NR1H3: variants seen among roughly 807,000 people sequenced by gnomAD.
NR1H3 encodes nuclear receptor subfamily 1 group H member 3.
NR1H3 carries 19 observed loss-of-function variants against 48.1 expected under a neutral mutation model. The ratio of observed to expected loss-of-function variants is 0.40; its 90% confidence interval spans 0.28 to 0.58. The LOEUF (loss-of-function observed/expected upper bound fraction) is 0.58. Ranked by LOEUF, NR1H3 falls within the 20% of genes least tolerant of loss-of-function variation. The probability of loss-of-function intolerance (pLI) is 0.50; values close to 1 mark genes in which losing one functional copy is unlikely to be tolerated. For synonymous variants in NR1H3, 232 were observed against 227.3 expected (o/e 1.02, Z -0.19); for missense variants, 486 against 595.9 (o/e 0.82, Z 1.92).
chr11:47,262,233 G>GTCAT (rs1441385368), intron 7 of NR1H3, among the ~76,000 whole-genome samples: 3 of 151,804 alleles, frequency 2.0e-5, no homozygotes, highest in Non-Finnish European at 2.9e-5. Flanking sequence ...CAAAAAATTA[G>GTCAT]TCAGGCATGG....
In NR1H3 at chr11:47,268,940, C is replaced by T. The variant is rs146385998; in HGVS notation, c.*244C>T. The T allele has an allele frequency of 1.6e-5, 8 of 512,914 alleles. No individual in the cohort carries two copies. Among genetic ancestry groups the T allele is most frequent in the Non-Finnish European group, 2.8e-5 (8 of 288,218 alleles). 31.8% of individuals were successfully genotyped at this position (512,914 alleles called of 1,614,324 possible). ...CCCCACAAACGGATGGGCCTGGGGG[C>T]CACTTTGCACAGGGTTCTCCAGAGC... is the stretch of plus-strand genomic sequence containing the variant. On this transcript the variant is annotated 3_prime_UTR_variant, in exon 10 of 10. Coordinates refer to ENST00000441012, the MANE Select transcript of NR1H3 (RefSeq NM_005693.4).
intron 1 of NR1H3, chr11:47,250,428 A>T (rs1314212670): frequency 6.6e-6 from 1 of 152,262 alleles, no homozygotes; most frequent in South Asian, 2.1e-4. Context: ...AGAAAAGAAA[A>T]AAAAAGATCA....
intron 7 of NR1H3, among the ~76,000 whole-genome samples, chr11:47,265,491 A>T (rs762418333): frequency 1.3e-5 from 2 of 152,236 alleles, no homozygotes; most frequent in African/African-American, 2.4e-5. Context: ...GACAATGTGT[A>T]TGAGAGACAT....
Position 47,261,337 on chromosome 11 carries a change from C to T in NR1H3, c.596C>T (p.Pro199Leu). Residue 199 changes from proline to leucine, a missense_variant, in exon 5 of 10, where the codon CCC becomes CTC. Transcript: ENST00000441012. Reference protein sequence around the residue: ...ATSLPPRASSPPQILPQLSPE... With the variant: ...ATSLPPRASSLPQILPQLSPE... Reference sequence around the variant, plus strand: ...TCCTTGCCCCCCAGGGCTTCCTCACCCCCCCAAATCCTGCCCCAGCTCAGC... The same window carrying T: ...TCCTTGCCCCCCAGGGCTTCCTCACTCCCCCAAATCCTGCCCCAGCTCAGC... 6.2e-7 allele frequency: 1 copy of T among 1,614,012 alleles called. No homozygotes were observed. Among genetic ancestry groups the T allele is most frequent in the Non-Finnish European group, 8.5e-7 (1 of 1,179,978 alleles).
At chr11:47,255,595 T>TTCTTTCTCTCTC (rs1565178673), upstream of NR1H3, among the ~76,000 whole-genome samples, 6 of 61,372 alleles carry the variant, frequency 9.8e-5, no homozygotes, top group African/African-American at 4.6e-4. Context: ...CTTTCTTTCT[T>TTCTTTCTCTCTC]TCTCTCTCTC....
chr11:47,256,304 G>A (rs931134932), upstream of NR1H3, among the ~76,000 whole-genome samples: 1 of 151,890 alleles, frequency 6.6e-6, no homozygotes, highest in African/African-American at 2.4e-5. Context: ...GCCTCCCAAA[G>A]TGCTGGGATT....
At chr11:47,249,646 T>G (rs1398790215) in intron 1 of NR1H3, among the ~76,000 whole-genome samples, 1 of 152,176 alleles carries the variant, frequency 6.6e-6, no homozygotes, top group African/African-American at 2.4e-5. Flanking sequence ...ATGGCCCTCT[T>G]GGCATTGACC....
At chr11:47,256,229 C>T (rs1287472841), upstream of NR1H3, among the ~76,000 whole-genome samples, 9 of 140,386 alleles carry the variant, frequency 6.4e-5, no homozygotes, top group African/African-American at 2.4e-4. Context: ...TTAGTAGAGA[C>T]GGGGTTTCAC....
At chr11:47,257,945 C>A, upstream of NR1H3, 1 of 985,490 alleles carries the variant, frequency 1.0e-6, no homozygotes. Flanking sequence ...GACCCCTCGG[C>A]AGTCCCTCCC....
At chr11:47,265,838 C>T (rs1956408528) in intron 7 of NR1H3, among the ~76,000 whole-genome samples, 1 of 152,166 alleles carries the variant, frequency 6.6e-6, no homozygotes, top group Admixed American at 6.5e-5. Context: ...TGCAACTGCA[C>T]TCTAGTCTGG....
At chr11:47,263,785 T>C (rs1182780472) in intron 7 of NR1H3, among the ~76,000 whole-genome samples, 1 of 151,912 alleles carries the variant, frequency 6.6e-6, no homozygotes, top group Non-Finnish European at 1.5e-5. Context: ...GTATTTTTAG[T>C]AGAGATGGGG....
At chr11:47,251,694 T>C (rs971086860) in intron 1 of NR1H3, among the ~76,000 whole-genome samples, 1 of 152,216 alleles carries the variant, frequency 6.6e-6, no homozygotes, top group African/African-American at 2.4e-5. Flanking sequence ...TTGAGTGTTT[T>C]GTTTTAATGG....
At chr11:47,257,957 T>A, upstream of NR1H3, 1 of 985,526 alleles carries the variant, frequency 1.0e-6, no homozygotes, top group Non-Finnish European at 1.2e-6. Context: ...GTCCCTCCCC[T>A]CAGCCTTTCC....
intron 1 of NR1H3, among the ~76,000 whole-genome samples, chr11:47,249,486 A>G (rs903801033): frequency 1.3e-5 from 2 of 152,096 alleles, no homozygotes; most frequent in African/African-American, 4.8e-5. Flanking sequence ...CCTCTTCCCA[A>G]AGGAGTTGGG....
chr11:47,262,082 A>G, intron 7 of NR1H3, 64 bp downstream of exon 7: 1 of 1,300,760 alleles, frequency 7.7e-7, no homozygotes, highest in South Asian at 1.4e-5. Context: ...TTTATTTTTT[A>G]TTTTTAAAAA....
rs1954364299 is a variant in NR1H3 at position 47,248,951 on chromosome 11, T to C, written c.-141T>C. On this transcript the variant is annotated 5_prime_UTR_variant, in exon 1 of 9. Coordinates refer to the NR1H3 transcript ENST00000395397. ...GGGAAAAGGCGCAGTCTCGGTGGGA[T>C]TGCGTGCAGGAGGGTCGTGGTCTGG... 8 of 1,529,150 alleles carry C rather than the reference T, an allele frequency of 5.2e-6. No individual in the cohort carries two copies. In the Admixed American group the frequency reaches 9.9e-5, roughly 19 times the overall value. 94.7% of individuals were successfully genotyped at this position (1,529,150 alleles called of 1,614,324 possible). A position where few individuals can be genotyped will look rare whatever the true frequency, so the allele number is the denominator to read the frequency against.
Position 47,268,178 on chromosome 11 carries a change from T to C in NR1H3, c.1103-83T>C, listed in dbSNP as rs1591251138. On this transcript the variant is annotated intron_variant, in intron 8 of 9. Transcript: ENST00000441012. Reference sequence around the variant, plus strand: ...AGGATGAGAGAGCTTGGCTGGAGCATGTCTCTATATTTTGGTTGCAATTTG... The same window carrying C: ...AGGATGAGAGAGCTTGGCTGGAGCACGTCTCTATATTTTGGTTGCAATTTG... 23 of 1,285,544 alleles carry C rather than the reference T, an allele frequency of 1.8e-5. No individual in the cohort carries two copies. The East Asian group carries it at 5.3e-4, about 30-fold the overall frequency. 79.6% of individuals were successfully genotyped at this position (1,285,544 alleles called of 1,614,324 possible).
rs1241081181 is a variant in NR1H3, at chr11:47,268,841, AG to A, written c.*148del. On this transcript the variant is annotated 3_prime_UTR_variant, in exon 10 of 10. Coordinates refer to ENST00000441012, the MANE Select transcript of NR1H3 (RefSeq NM_005693.4). ...TCCCGTGGCATTAAAAGAGAGTCAAAGGGTTGCGAGTTTTGTGGCTACTGAG... is the reference window on the plus strand; with the variant it reads ...TCCCGTGGCATTAAAAGAGAGTCAAAGGTTGCGAGTTTTGTGGCTACTGAG... The A allele has an allele frequency of 1.9e-6, 2 of 1,043,368 alleles. No homozygotes were observed. The highest frequency in any genetic ancestry group is 2.7e-6 in the Non-Finnish European group (2 of 729,880). The allele number at this position is 1,043,368 out of a possible 1,614,324, so 64.6% of individuals were successfully genotyped here.
At chr11:47,266,231 T>C (rs1956451587) in intron 7 of NR1H3, among the ~76,000 whole-genome samples, 1 of 151,520 alleles carries the variant, frequency 6.6e-6, no homozygotes, top group African/African-American at 2.4e-5. Context: ...CTGAATGCAG[T>C]GGTGTGATCA....
Sources: gnomAD v4.1 joint callset for allele counts (sites outside exome capture counted in the v4.1 genomes callset) on GRCh38, gnomAD v4.1.1 for gene constraint, MANE v1.5 for transcripts, NCBI Gene and HGNC (gene_info 2026-07-23, HGNC 2026-07-21) for gene names.